The following MACROD2 variants were observed in gnomAD, a reference collection of about 807,000 sequenced individuals.
The protein encoded by MACROD2 is mono-ADP ribosylhydrolase 2.
In MACROD2, 36 loss-of-function variants were observed where a neutral mutation model predicts 70.4. The ratio of observed to expected loss-of-function variants is 0.51; its 90% CI spans 0.39 to 0.68. MACROD2 has a LOEUF of 0.68. Ranked by LOEUF, MACROD2 falls within the 30% of genes least tolerant of loss-of-function variation. MACROD2 has a pLI of 0.00. For missense variants in MACROD2, 496 were observed against 538.4 expected, an observed-to-expected ratio of 0.92 and a Z score of 0.78; for synonymous variants, 172 against 178.8, an observed-to-expected ratio of 0.96 and a Z score of 0.30.
chr20:14,706,346 G>A (rs1350844946), intron 5 of MACROD2, among the ~76,000 whole-genome samples: 1 of 151,772 alleles, frequency 6.6e-6, no homozygotes, highest in Non-Finnish European at 1.5e-5. Context: ...AAGAATTCAA[G>A]TGAGTGAAAC....
At chr20:15,228,730 C>T (rs992611940) in intron 5 of MACROD2, among the ~76,000 whole-genome samples, 4 of 151,922 alleles carry the variant, frequency 2.6e-5, no homozygotes, top group Non-Finnish European at 5.9e-5. Flanking sequence ...CCTCATGATC[C>T]GCCCACCTCA....
At chr20:14,409,748 T>G (rs1177186363) in intron 3 of MACROD2, among the ~76,000 whole-genome samples, 1 of 152,146 alleles carries the variant, frequency 6.6e-6, no homozygotes, top group Non-Finnish European at 1.5e-5. Context: ...GCTATAAACG[T>G]GAGGCTTAGT....
At chr20:14,396,701 G>A (rs144495811) in intron 3 of MACROD2, among the ~76,000 whole-genome samples, 92 of 151,972 alleles carry the variant, frequency 6.1e-4, no homozygotes, top group African/African-American at 1.7e-3. Flanking sequence ...TGAGGAGGGC[G>A]GATTACGAGG....
chr20:15,507,624 C>T (rs1233760), intron 8 of MACROD2, among the ~76,000 whole-genome samples: 128,149 of 151,874 alleles, frequency 0.84, 54,429 homozygotes, highest in East Asian at 0.99. Context: ...ATTGTTCCCA[C>T]GGTTAGAATA....
At chr20:14,327,185 CTT>C in intron 3 of MACROD2, 1 of 1,613,608 alleles carries the variant, frequency 6.2e-7, no homozygotes, top group Non-Finnish European at 8.5e-7. Flanking sequence ...AAATGTAACT[CTT>C]TTACATACTT....
intron 1 of MACROD2, among the ~76,000 whole-genome samples, chr20:13,999,510 T>A (rs1468961898): frequency 1.3e-5 from 2 of 152,190 alleles, no homozygotes; most frequent in Non-Finnish European, 2.9e-5. Context: ...AACAACCCTA[T>A]GAGGTAGGAA....
chr20:16,040,349 GTAAT>G (rs754614770), intron 15 of MACROD2, among the ~76,000 whole-genome samples: 1 of 151,806 alleles, frequency 6.6e-6, no homozygotes, highest in Non-Finnish European at 1.5e-5. Context: ...GACACAGTAA[GTAAT>G]CAGGTAATGA....
At chr20:15,585,647 C>T (rs1161936098) in intron 8 of MACROD2, among the ~76,000 whole-genome samples, 1 of 152,172 alleles carries the variant, frequency 6.6e-6, no homozygotes, top group Non-Finnish European at 1.5e-5. Flanking sequence ...ATTCTGTGGC[C>T]TGTAGTTGCA....
chr20:14,263,523 C>G (rs755248394), intron 3 of MACROD2, among the ~76,000 whole-genome samples: 1 of 152,064 alleles, frequency 6.6e-6, no homozygotes, highest in Non-Finnish European at 1.5e-5. Flanking sequence ...CTGGTGCCCC[C>G]CAGACATCCA....
At chr20:15,240,003 T>C (rs1222564256) in intron 6 of MACROD2, among the ~76,000 whole-genome samples, 2 of 152,124 alleles carry the variant, frequency 1.3e-5, no homozygotes, top group Non-Finnish European at 2.9e-5. Flanking sequence ...CGGTATCTCA[T>C]CAGTTCATTG....
intron 8 of MACROD2, among the ~76,000 whole-genome samples, chr20:15,805,315 C>T (rs569353090): frequency 6.6e-6 from 1 of 152,062 alleles, no homozygotes; most frequent in Non-Finnish European, 1.5e-5. Flanking sequence ...AAATGATCCT[C>T]GCTTTTGTCT....
chr20:14,763,921 C>T (rs1010388856), intron 5 of MACROD2, among the ~76,000 whole-genome samples: 1 of 152,024 alleles, frequency 6.6e-6, no homozygotes, highest in African/African-American at 2.4e-5. Flanking sequence ...CATGAATAGT[C>T]CTAAGGGGTT....
chr20:15,418,425 G>T (rs1157906354), intron 6 of MACROD2, among the ~76,000 whole-genome samples: 1 of 152,312 alleles, frequency 6.6e-6, no homozygotes, highest in Non-Finnish European at 1.5e-5. Flanking sequence ...GGTGAGAAAT[G>T]GTTGATTGCT....
chr20:14,771,668 CACATAT>C (rs745523782), intron 5 of MACROD2, among the ~76,000 whole-genome samples: 1 of 125,222 alleles, frequency 8.0e-6, no homozygotes, highest in African/African-American at 2.9e-5. Flanking sequence ...CACACACACA[CACATAT>C]ATATATATAT....
intron 5 of MACROD2, among the ~76,000 whole-genome samples, chr20:15,033,480 C>G (rs2075290584): frequency 6.6e-6 from 1 of 152,138 alleles, no homozygotes; most frequent in African/African-American, 2.4e-5. Context: ...GCAGTATATG[C>G]TTTGTCCATT....
At chr20:15,702,490 C>A (rs2050474551) in intron 8 of MACROD2, among the ~76,000 whole-genome samples, 1 of 152,080 alleles carries the variant, frequency 6.6e-6, no homozygotes, top group Non-Finnish European at 1.5e-5. Flanking sequence ...TGTTCATATC[C>A]TTTGCCCATT....
intron 5 of MACROD2, among the ~76,000 whole-genome samples, chr20:14,753,909 T>A (rs553572987): frequency 6.6e-6 from 1 of 152,224 alleles, no homozygotes; most frequent in East Asian, 1.9e-4. Flanking sequence ...AATTTTTGTT[T>A]CATGAACTGG....
At chr20:14,463,528 T>G (rs1274548807) in intron 3 of MACROD2, among the ~76,000 whole-genome samples, 1 of 152,056 alleles carries the variant, frequency 6.6e-6, no homozygotes, top group Admixed American at 6.6e-5. Context: ...GCCCTTTATT[T>G]CCTTCTCCTG....
At chr20:14,590,369 G>A (rs1367549708) in intron 4 of MACROD2, among the ~76,000 whole-genome samples, 1 of 152,136 alleles carries the variant, frequency 6.6e-6, no homozygotes, top group Non-Finnish European at 1.5e-5. Flanking sequence ...AAGGTGGTAG[G>A]CAGAACATTC....
Sources: allele counts gnomAD v4.1 joint callset (sites outside exome capture counted in the v4.1 genomes callset), GRCh38; gene constraint gnomAD v4.1.1; transcripts MANE v1.5; gene names NCBI Gene and HGNC (gene_info 2026-07-23, HGNC 2026-07-21).